GAS7: variants seen among roughly 807,000 people sequenced by gnomAD.
GAS7 encodes the protein growth arrest specific 7, also known as growth arrest-specific protein 7.
Under a neutral mutation model 71.1 loss-of-function variants are expected in GAS7, and 28 were observed. That is an observed-to-expected ratio of 0.39 (90% CI 0.29 to 0.54). GAS7 has a LOEUF of 0.54. Among genes scored for constraint, GAS7 ranks in the 20% least tolerant of loss-of-function variants. GAS7 has a pLI of 0.62. For missense variants in GAS7, 436 were observed against 627.8 expected (o/e 0.69, Z 3.27); for synonymous variants, 258 against 245.8 (o/e 1.05, Z -0.46).
intron 1 of GAS7, among the ~76,000 whole-genome samples, chr17:10,097,455 G>A (rs2073653279): frequency 6.6e-6 from 1 of 152,170 alleles, no homozygotes; most frequent in Non-Finnish European, 1.5e-5. Context: ...AGAGGAACCG[G>A]GGCACACAGC....
chr17:10,142,200 A>G (rs1181512932), intron 1 of GAS7, among the ~76,000 whole-genome samples: 1 of 139,480 alleles, frequency 7.2e-6, no homozygotes, highest in African/African-American at 2.7e-5. Context: ...TGGGCGACAC[A>G]GCGAGACTCT....
intron 11 of GAS7, among the ~76,000 whole-genome samples, chr17:9,924,480 A>AT (rs1270621520): frequency 6.6e-6 from 1 of 151,354 alleles, no homozygotes; most frequent in Admixed American, 6.6e-5. Flanking sequence ...CCTATAAGTT[A>AT]TTTTTTTAAT....
At chr17:10,187,706 C>CA (rs1299595531) in intron 1 of GAS7, among the ~76,000 whole-genome samples, 15 of 151,748 alleles carry the variant, frequency 9.9e-5, no homozygotes, top group Admixed American at 9.2e-4. Context: ...TGGCTGTTTC[C>CA]AAAAAAAATC....
At chr17:10,181,077 G>A (rs1391224012) in intron 1 of GAS7, among the ~76,000 whole-genome samples, 1 of 140,452 alleles carries the variant, frequency 7.1e-6, no homozygotes, top group Non-Finnish European at 1.6e-5. Flanking sequence ...TGCGGGGGTG[G>A]CGGTGGGGGC....
chr17:9,943,862 C>G lies in GAS7; in HGVS notation c.616-626G>C, dbSNP rs1291729947. On this transcript the variant is annotated intron_variant, in intron 6 of 13. Transcript: ENST00000432992. ...GTTCTTCACTCACTCCAGGCCTAAG[C>G]TTTTTCATCTGCAAAACTGACGAAA... Among the ~76,000 whole-genome samples, 5 of 152,310 alleles carry G rather than the reference C, an allele frequency of 3.3e-5. No homozygotes were observed. The South Asian group carries it at 1.0e-3, about 32-fold the overall frequency.
intron 1 of GAS7, among the ~76,000 whole-genome samples, chr17:10,056,096 C>T (rs139526580): frequency 4.5e-4 from 68 of 152,236 alleles, no homozygotes; most frequent in Non-Finnish European, 6.9e-4. Context: ...GTCCAATGTC[C>T]GGGTGCAGTG....
At chr17:9,949,433 T>C (rs1317369673) in intron 5 of GAS7, among the ~76,000 whole-genome samples, 7 of 152,220 alleles carry the variant, frequency 4.6e-5, no homozygotes, top group Admixed American at 4.6e-4. Flanking sequence ...CAAACTCTTC[T>C]GTCAGCAAAG....
Position 9,981,726 on chromosome 17 carries a change from G to T in GAS7, c.385+78C>A. The T allele has an allele frequency of 1.2e-6, 1 of 867,184 alleles. No individual in the cohort carries two copies. Among genetic ancestry groups the T allele is most frequent in the South Asian group, 1.4e-5 (1 of 72,976 alleles). 53.7% of individuals were successfully genotyped at this position (867,184 alleles called of 1,614,324 possible). On this transcript the variant is annotated intron_variant, in intron 3 of 13. Coordinates refer to ENST00000432992, the MANE Select transcript of GAS7 (RefSeq NM_201433.2). This position sits in a 1 kb window ranked among gnomAD's most constrained non-coding sequence, Gnocchi z 4.4. ...TACATCAGCCAGGTTTAAGACCCAG[G>T]ACCCATCATCTCAGCCTCTCCACTG...
rs935572996 is a variant in GAS7, at chr17:10,026,772, G to A, written c.184-6875C>T. ...GTGGGCAGACTCCTACACAGAGCTG[G>A]GAACAGCTACCCGAGAAGGATACTC... is the stretch of plus-strand genomic sequence containing the variant. On this transcript the variant is annotated intron_variant, in intron 1 of 13. Transcript: ENST00000432992. This position sits in a 1 kb window ranked among gnomAD's most constrained non-coding sequence, Gnocchi z 4.5. Among the ~76,000 whole-genome samples, 1 of 152,172 alleles carries A rather than the reference G, an allele frequency of 6.6e-6. No homozygotes were observed. Among genetic ancestry groups the A allele is most frequent in the African/African-American group, 2.4e-5 (1 of 41,436 alleles).
chr17:10,185,130 G>C (rs1330565143), intron 1 of GAS7, among the ~76,000 whole-genome samples: 1 of 152,004 alleles, frequency 6.6e-6, no homozygotes, highest in Non-Finnish European at 1.5e-5. Context: ...TTTGTATGTT[G>C]GCCAGGCTGT....
chr17:10,060,138 A>T (rs1567574533), intron 1 of GAS7, among the ~76,000 whole-genome samples: 5 of 152,216 alleles, frequency 3.3e-5, no homozygotes. Context: ...AACCAGGTAG[A>T]GCAATTTGCA....
chr17:10,174,189 T>C (rs1188281310), intron 1 of GAS7, among the ~76,000 whole-genome samples: 1 of 152,112 alleles, frequency 6.6e-6, no homozygotes, highest in Non-Finnish European at 1.5e-5. Context: ...TAGGACTTAG[T>C]GTAATATAGT....
intron 2 of GAS7, among the ~76,000 whole-genome samples, chr17:9,991,299 G>C (rs536155646): frequency 6.6e-6 from 1 of 152,118 alleles, no homozygotes; most frequent in Non-Finnish European, 1.5e-5. Flanking sequence ...GCAGTGTCAG[G>C]CTATCCCTTA....
At chr17:10,107,211 C>T (rs191537810) in intron 1 of GAS7, among the ~76,000 whole-genome samples, 28 of 152,316 alleles carry the variant, frequency 1.8e-4, no homozygotes, top group African/African-American at 6.3e-4. Flanking sequence ...TTGTGGCATT[C>T]GTTACAGCAG....
chr17:10,179,406 G>A (rs2142140510), intron 1 of GAS7, among the ~76,000 whole-genome samples: 1 of 152,194 alleles, frequency 6.6e-6, no homozygotes, highest in Non-Finnish European at 1.5e-5. Flanking sequence ...CAAGCAGGGA[G>A]ATATTTCAGG....
chr17:10,003,623 G>A (rs866089022), intron 2 of GAS7, among the ~76,000 whole-genome samples: 18 of 152,342 alleles, frequency 1.2e-4, no homozygotes, highest in Middle Eastern at 3.4e-3. Context: ...CTTTGGGCAC[G>A]CAGATAGGCA....
intron 1 of GAS7, among the ~76,000 whole-genome samples, chr17:10,171,778 G>GCCTTA (rs141384245): frequency 0.13 from 19,483 of 152,036 alleles, 1,434 homozygotes; most frequent in South Asian, 0.24. Flanking sequence ...ACCTCTCTGA[G>GCCTTA]CCTTTATCTG....
chr17:9,917,940 C>A, intron 13 of GAS7, 61 bp downstream of exon 13: 1 of 1,204,180 alleles, frequency 8.3e-7, no homozygotes, highest in Non-Finnish European at 1.2e-6. Context: ...CACGGCCTAG[C>A]GCCAGGCGGC....
rs59380311 is a variant in GAS7 at position 10,078,053 on chromosome 17, TTGTGTGTG to T, written c.184-58164_184-58157del. ...ATGCGGAAGTTTGTTGTTTTTTCTG[TTGTGTGTG>T]TGTGTGTGTGTGTGTGTGTTTTGTT... On this transcript the variant is annotated intron_variant, in intron 1 of 13. Coordinates refer to ENST00000432992, the MANE Select transcript of GAS7 (RefSeq NM_201433.2). Among the ~76,000 whole-genome samples the T allele has an allele frequency of 2.6e-4, 38 of 146,428 alleles. 2 individuals are homozygous for T. The highest frequency in any genetic ancestry group is 8.2e-4 in the African/African-American group (32 of 39,060).
Sources: gnomAD v4.1 joint callset for allele counts (sites outside exome capture counted in the v4.1 genomes callset) on GRCh38, gnomAD v4.1.1 for gene constraint, Gnocchi (gnomAD v3.1) non-coding constraint, MANE v1.5 for transcripts, NCBI Gene and HGNC (gene_info 2026-07-23, HGNC 2026-07-21) for gene names.